The following OSBPL8 variants were observed in gnomAD, a reference collection of about 807,000 sequenced individuals.
OSBPL8 encodes the protein oxysterol-binding protein-related protein 8.
A neutral mutation model predicts 125.5 loss-of-function variants in OSBPL8; 59 were observed. The ratio of observed to expected loss-of-function variants is 0.47; its 90% CI spans 0.38 to 0.58. The LOEUF (loss-of-function observed/expected upper bound fraction) is 0.58. Ranked by LOEUF, OSBPL8 falls within the 20% of genes least tolerant of loss-of-function variation. The pLI is 0.00. For synonymous variants in OSBPL8, 330 were observed against 338.9 expected (o/e 0.97, Z 0.29); for missense variants, 758 against 1,047.8 (o/e 0.72, Z 3.82).
intron 10 of OSBPL8, 108 bp downstream of exon 10, chr12:76,392,472 AT>A: frequency 1.1e-6 from 1 of 943,816 alleles, no homozygotes; most frequent in South Asian, 2.8e-5. Flanking sequence ...ATGGGAAGAT[AT>A]GCAAATTTCA....
At chr12:76,418,010 C>CTTTTTTTTTTTTTTTTTTTTTTTT (rs35319213) in intron 4 of OSBPL8, among the ~76,000 whole-genome samples, 1 of 111,556 alleles carries the variant, frequency 9.0e-6, no homozygotes, top group Non-Finnish European at 1.8e-5. Flanking sequence ...TTTTCACTAC[C>CTTTTTTTTTTTTTTTTTTTTTTTT]TTTTTTTTTT....
At chr12:76,454,640 GC>G (rs895414436) in intron 3 of OSBPL8, among the ~76,000 whole-genome samples, 5 of 151,390 alleles carry the variant, frequency 3.3e-5, no homozygotes, top group Admixed American at 3.3e-4. Context: ...CATCACTTGA[GC>G]CCAGGTGTTC....
intron 1 of OSBPL8, among the ~76,000 whole-genome samples, chr12:76,558,809 G>C (rs1175182681): frequency 1.1e-4 from 17 of 152,338 alleles, no homozygotes; most frequent in Admixed American, 1.0e-3. Context: ...CTTGGAACCT[G>C]ATTCCACTCT....
chr12:76,394,716 T>G lies in OSBPL8; in HGVS notation c.686A>C (p.Glu229Ala), dbSNP rs188701557. The G allele has an allele frequency of 6.2e-7, 1 of 1,611,640 alleles. No homozygotes were observed. The highest frequency in any genetic ancestry group is 2.2e-5 in the East Asian group (1 of 44,734). The stretch of plus-strand genomic sequence containing the variant: ...GGGTTGAGTAATGGATCCAACCGCT[T>G]CACCTTTTGGACCCTTAATAACAAA... Reference protein sequence around the residue: ...SIWAVKGPKGEAVGSITQPLP... With the variant: ...SIWAVKGPKGAAVGSITQPLP... Residue 229 changes from glutamate (E) to alanine (A), a missense_variant, in exon 9 of 24, where the codon GAA (glutamate) becomes GCA (alanine). Glu to Ala is a moderately radical substitution (Grantham distance 107). Coordinates refer to ENST00000261183, the MANE Select transcript of OSBPL8 (RefSeq NM_020841.5).
chr12:76,381,453 T>C (rs1410253944), intron 15 of OSBPL8, among the ~76,000 whole-genome samples: 1 of 152,222 alleles, frequency 6.6e-6, no homozygotes, highest in African/African-American at 2.4e-5. Context: ...TCAGCTGTGG[T>C]AATTTGTGTC....
At chr12:76,485,092 T>C (rs1358886637) in intron 2 of OSBPL8, among the ~76,000 whole-genome samples, 1 of 151,812 alleles carries the variant, frequency 6.6e-6, no homozygotes, top group Non-Finnish European at 1.5e-5. Context: ...GGCTAATTTT[T>C]TTGTATTTTT....
At chr12:76,392,510 G>A in intron 10 of OSBPL8, 71 bp downstream of exon 10, 1 of 1,416,070 alleles carries the variant, frequency 7.1e-7, no homozygotes, top group Non-Finnish European at 9.6e-7. Flanking sequence ...TAAAATTCTA[G>A]GCCTGCCAAC....
At chr12:76,379,870 T>A (rs1313190007) in intron 15 of OSBPL8, among the ~76,000 whole-genome samples, 3 of 152,312 alleles carry the variant, frequency 2.0e-5, no homozygotes, top group African/African-American at 7.2e-5. Flanking sequence ...CATGGGCAAA[T>A]ACCTAGGAGT....
intron 2 of OSBPL8, among the ~76,000 whole-genome samples, chr12:76,464,727 C>T (rs961674623): frequency 2.0e-5 from 3 of 152,156 alleles, no homozygotes; most frequent in Admixed American, 6.5e-5. Context: ...TTTGGCACAG[C>T]ACTTCCCTCT....
At chr12:76,539,564 A>C (rs912872565) in intron 1 of OSBPL8, among the ~76,000 whole-genome samples, 2 of 152,234 alleles carry the variant, frequency 1.3e-5, no homozygotes, top group African/African-American at 4.8e-5. Flanking sequence ...GCCATCTTTC[A>C]ATCAACGTAA....
intron 1 of OSBPL8, among the ~76,000 whole-genome samples, chr12:76,541,580 T>G (rs982127079): frequency 6.6e-6 from 1 of 152,154 alleles, no homozygotes; most frequent in Admixed American, 6.5e-5. Flanking sequence ...ATAGGCCAGT[T>G]GAGGTGGCTC....
intron 21 of OSBPL8, among the ~76,000 whole-genome samples, chr12:76,363,471 A>C (rs1252302000): frequency 2.6e-5 from 4 of 152,216 alleles, no homozygotes; most frequent in Admixed American, 2.6e-4. Context: ...AGAAAACTGA[A>C]ACTGGTTTCC....
intron 12 of OSBPL8, among the ~76,000 whole-genome samples, chr12:76,387,674 C>T (rs1953375571): frequency 6.6e-6 from 1 of 152,050 alleles, no homozygotes; most frequent in Admixed American, 6.6e-5. Flanking sequence ...TCTGACAGTC[C>T]AATGTGGTGA....
At position 76,408,278 on chromosome 12, in the gene OSBPL8, G is replaced by A. The variant is rs147291889; in HGVS notation, c.288+2286C>T. Among the ~76,000 whole-genome samples the A allele has an allele frequency of 2.9e-3, 436 of 151,204 alleles. 1 individual carries two copies. Among genetic ancestry groups the A allele is most frequent in the African/African-American group, 0.01 (417 of 41,190 alleles). ...AGATCGAGACCATCCTGGCTAACAC[G>A]GTGAAACCCTGTCTCTACTAAAAAT... On this transcript the variant is annotated intron_variant, in intron 5 of 23. Transcript: ENST00000261183.
intron 3 of OSBPL8, among the ~76,000 whole-genome samples, chr12:76,454,125 T>C (rs1873736644): frequency 6.6e-6 from 1 of 152,182 alleles, no homozygotes; most frequent in African/African-American, 2.4e-5. Flanking sequence ...TGGAAAACAA[T>C]GTGAGCTTCT....
chr12:76,500,928 T>A (rs1765177139), intron 1 of OSBPL8, among the ~76,000 whole-genome samples: 1 of 152,218 alleles, frequency 6.6e-6, no homozygotes, highest in African/African-American at 2.4e-5. Context: ...TACTGACATA[T>A]AAGCAGTTCA....
intron 1 of OSBPL8, among the ~76,000 whole-genome samples, chr12:76,489,799 A>C (rs539983764): frequency 1.3e-5 from 2 of 152,368 alleles, no homozygotes; most frequent in African/African-American, 4.8e-5. Flanking sequence ...AAATACATTC[A>C]GTAAGGCCAT....
chr12:76,550,312 T>C, intron 1 of OSBPL8, among the ~76,000 whole-genome samples: 1 of 151,290 alleles, frequency 6.6e-6, no homozygotes, highest in East Asian at 1.9e-4. Flanking sequence ...ACATGTTTCT[T>C]CTGGCAGCCC....
intron 17 of OSBPL8, 65 bp from the exon 18 acceptor site, chr12:76,373,498 A>C: frequency 3.2e-6 from 4 of 1,231,706 alleles, no homozygotes; most frequent in Non-Finnish European, 4.6e-6. Flanking sequence ...TGTAAAACCA[A>C]AACAAAAAAC....
Sources: gnomAD v4.1 joint callset for allele counts (sites outside exome capture counted in the v4.1 genomes callset) on GRCh38, gnomAD v4.1.1 for gene constraint, MANE v1.5 for transcripts, NCBI Gene and HGNC (gene_info 2026-07-23, HGNC 2026-07-21) for gene names.